Variants in LPP observed in about 807,000 individuals in gnomAD.
LPP encodes the protein lipoma-preferred partner.
In LPP, 38 loss-of-function variants were observed where a neutral mutation model predicts 60.4. The ratio of observed to expected loss-of-function variants is 0.63; its 90% CI spans 0.49 to 0.83. LPP has a LOEUF of 0.83. Ranked by LOEUF, LPP falls within the 40% of genes least tolerant of loss-of-function variation. The pLI, the probability that LPP is intolerant of heterozygous loss-of-function variation, is 0.00. For synonymous variants in LPP, 328 were observed against 290.8 expected, an observed-to-expected ratio of 1.13 and a Z score of -1.30; for missense variants, 902 against 783.6, an observed-to-expected ratio of 1.15 and a Z score of -1.80.
At chr3:188,617,725 C>G (rs1024833696) in intron 7 of LPP, among the ~76,000 whole-genome samples, 2 of 152,112 alleles carry the variant, frequency 1.3e-5, no homozygotes, top group East Asian at 3.8e-4. Flanking sequence ...TTTAAAAATA[C>G]CCCAGGTCTC....
chr3:188,588,673 A>G (rs1392964003), intron 6 of LPP, among the ~76,000 whole-genome samples: 1 of 152,238 alleles, frequency 6.6e-6, no homozygotes, highest in Non-Finnish European at 1.5e-5. Flanking sequence ...AAGGACTAGT[A>G]GATTGTATGT....
intron 1 of LPP, among the ~76,000 whole-genome samples, chr3:188,189,514 T>C (rs1337993989): frequency 6.6e-6 from 1 of 152,196 alleles, no homozygotes. Context: ...TATTTTTGCC[T>C]AAGACACCTC....
intron 7 of LPP, among the ~76,000 whole-genome samples, chr3:188,672,744 G>A (rs866926067): frequency 6.6e-6 from 1 of 152,064 alleles, no homozygotes; most frequent in East Asian, 1.9e-4. Context: ...CCATAAGCTC[G>A]TTCCCTTCTC....
chr3:188,690,963 C>G (rs1861994235), intron 7 of LPP, among the ~76,000 whole-genome samples: 1 of 151,806 alleles, frequency 6.6e-6, no homozygotes, highest in Non-Finnish European at 1.5e-5. Context: ...CATCTGAGAC[C>G]CTTTCTTTCT....
At chr3:188,670,543 C>A (rs781443004) in intron 7 of LPP, among the ~76,000 whole-genome samples, 1 of 151,530 alleles carries the variant, frequency 6.6e-6, no homozygotes, top group Non-Finnish European at 1.5e-5. Context: ...TCAAGGCTAT[C>A]TCAGGCCAGA....
At chr3:188,715,406 A>AAAAAG (rs397875737) in intron 8 of LPP, among the ~76,000 whole-genome samples, 2 of 139,674 alleles carry the variant, frequency 1.4e-5, no homozygotes, top group African/African-American at 5.1e-5. Context: ...AAAAAAAAAA[A>AAAAAG]GGAACATGGG....
intron 5 of LPP, among the ~76,000 whole-genome samples, chr3:188,495,015 T>A (rs1809522137): frequency 7.3e-6 from 1 of 137,512 alleles, no homozygotes. Context: ...CCATGCCTCC[T>A]CAGAGTTAAC....
At chr3:188,800,586 G>T (rs1406452798) in intron 9 of LPP, among the ~76,000 whole-genome samples, 1 of 152,146 alleles carries the variant, frequency 6.6e-6, no homozygotes, top group Non-Finnish European at 1.5e-5. Flanking sequence ...GGTTTTCCAA[G>T]TCAAAAGTGT....
chr3:188,605,053 G>A (rs1247185930), intron 6 of LPP, among the ~76,000 whole-genome samples: 1 of 152,160 alleles, frequency 6.6e-6, no homozygotes, highest in Non-Finnish European at 1.5e-5. Flanking sequence ...CTCAAAGAGA[G>A]GTAGAAGAGG....
At chr3:188,582,095 C>G (rs936444381) in intron 6 of LPP, among the ~76,000 whole-genome samples, 2 of 151,678 alleles carry the variant, frequency 1.3e-5, no homozygotes, top group Non-Finnish European at 2.9e-5. Flanking sequence ...CACTTCAGGG[C>G]TCTCCTTAGT....
chr3:188,154,480 C>T (rs1050173099), intron 1 of LPP, among the ~76,000 whole-genome samples: 3 of 152,188 alleles, frequency 2.0e-5, no homozygotes, highest in Middle Eastern at 3.4e-3. Context: ...CCAGGCTAGG[C>T]GGGGTTGGAG....
intron 1 of LPP, among the ~76,000 whole-genome samples, chr3:188,183,341 T>C (rs1725669462): frequency 6.6e-6 from 1 of 152,224 alleles, no homozygotes; most frequent in African/African-American, 2.4e-5. Flanking sequence ...CTGCTCTAAG[T>C]GACCCAGGCA....
At chr3:188,382,463 TGG>T (rs567350664) in intron 3 of LPP, among the ~76,000 whole-genome samples, 7 of 152,324 alleles carry the variant, frequency 4.6e-5, no homozygotes, top group Admixed American at 1.3e-4. Flanking sequence ...CTCACAGAAT[TGG>T]TGGTCACTTT....
intron 6 of LPP, among the ~76,000 whole-genome samples, chr3:188,579,628 T>A (rs1052645631): frequency 1.4e-5 from 2 of 146,740 alleles, no homozygotes; most frequent in African/African-American, 5.1e-5. Context: ...AATATCTAAC[T>A]TTATTAACAA....
intron 4 of LPP, among the ~76,000 whole-genome samples, chr3:188,464,920 G>A (rs572796163): frequency 1.3e-5 from 2 of 148,230 alleles, no homozygotes; most frequent in South Asian, 4.3e-4. Flanking sequence ...GAGACCCTTT[G>A]GATTCCACAC....
At chr3:188,733,727 C>A (rs1399533212) in intron 8 of LPP, among the ~76,000 whole-genome samples, 3 of 152,050 alleles carry the variant, frequency 2.0e-5, no homozygotes, top group African/African-American at 7.2e-5. Context: ...ATATTAACAA[C>A]GTTTTCAGGT....
chr3:188,609,881 G>A lies in LPP; in HGVS notation c.1113+37G>A. ...AGTAACATAAGGAGGAGAATACAGG[G>A]GTGCCTATCTTAGTCTGCCTTCCCC... On this transcript the variant is annotated intron_variant, in intron 7 of 11. Coordinates refer to ENST00000617246, the MANE Select transcript of LPP (RefSeq NM_001375462.1). The surrounding 1 kb of genome is among the most constrained non-coding windows in gnomAD (Gnocchi z 6.9). The A allele has an allele frequency of 1.3e-6, 2 of 1,558,090 alleles. No individual in the cohort carries two copies. The highest frequency in any genetic ancestry group is 1.7e-6 in the Non-Finnish European group (2 of 1,153,994).
intron 7 of LPP, among the ~76,000 whole-genome samples, chr3:188,675,880 G>T (rs1038639456): frequency 2.0e-5 from 3 of 152,126 alleles, no homozygotes; most frequent in Admixed American, 1.3e-4. Flanking sequence ...TGTCTTCAGA[G>T]TTCCTAATTT....
At chr3:188,804,573 A>G (rs1748500410) in intron 9 of LPP, among the ~76,000 whole-genome samples, 1 of 151,808 alleles carries the variant, frequency 6.6e-6, no homozygotes, top group Non-Finnish European at 1.5e-5. Context: ...TACACAATAT[A>G]TGCATGTGAG....
Sources: allele counts gnomAD v4.1 joint callset (sites outside exome capture counted in the v4.1 genomes callset), GRCh38; gene constraint gnomAD v4.1.1; non-coding constraint Gnocchi (gnomAD v3.1); transcripts MANE v1.5; gene names NCBI Gene and HGNC (gene_info 2026-07-23, HGNC 2026-07-21).